The following SGCZ variants were observed in gnomAD, a reference collection of about 807,000 sequenced individuals.
SGCZ encodes the protein zeta-sarcoglycan.
Under a neutral mutation model 41.3 loss-of-function variants are expected in SGCZ, and 40 were observed. The observed-to-expected ratio is 0.97, with a 90% CI of 0.75 to 1.26. The LOEUF is 1.26. SGCZ is among the 50% of genes most tolerant of loss of function. The pLI, the probability that SGCZ is intolerant of heterozygous loss-of-function variation, is 0.00. For synonymous variants in SGCZ, 206 were observed against 137.5 expected (o/e 1.50, Z -3.49); for missense variants, 552 against 369.8 (o/e 1.49, Z -4.04).
chr8:14,133,321 A>T (rs1216077573), intron 5 of SGCZ, among the ~76,000 whole-genome samples: 1 of 152,178 alleles, frequency 6.6e-6, no homozygotes, highest in Non-Finnish European at 1.5e-5. Context: ...TTTCCATTTA[A>T]TCTTTTAACC....
chr8:14,245,237 C>A (rs943425772), intron 3 of SGCZ, among the ~76,000 whole-genome samples: 5 of 151,930 alleles, frequency 3.3e-5, no homozygotes, highest in African/African-American at 4.8e-5. Context: ...GGTTTGGTAC[C>A]AGAACAGAGA....
chr8:14,473,098 C>G (rs1016074187), intron 2 of SGCZ, among the ~76,000 whole-genome samples: 1 of 152,146 alleles, frequency 6.6e-6, no homozygotes, highest in African/African-American at 2.4e-5. Flanking sequence ...AAATAACTAA[C>G]TGGGTCACTG....
At chr8:14,143,691 T>C (rs1803439047) in intron 5 of SGCZ, among the ~76,000 whole-genome samples, 1 of 152,142 alleles carries the variant, frequency 6.6e-6, no homozygotes. Context: ...TGAGCACTCA[T>C]AGTCGCTGAT....
chr8:14,951,848 T>C (rs943851933), intron 1 of SGCZ, among the ~76,000 whole-genome samples: 14 of 152,116 alleles, frequency 9.2e-5, no homozygotes, highest in African/African-American at 3.4e-4. Context: ...AATTAACCTT[T>C]TTTATATTAA....
chr8:14,256,439 C>T (rs1799467485), intron 3 of SGCZ, among the ~76,000 whole-genome samples: 1 of 152,062 alleles, frequency 6.6e-6, no homozygotes. Context: ...TACAAGATAC[C>T]TAAATATAAA....
rs191702411 is a variant in SGCZ at position 14,365,598 on chromosome 8, T to C, written c.235-41394A>G. Among the ~76,000 whole-genome samples the C allele has an allele frequency of 3.3e-5, 5 of 152,252 alleles. No homozygotes were observed. The East Asian group carries it at 9.7e-4, about 29-fold the overall frequency. ...GATTGTTTCACAATTACTATTCTCTTGAAAAGTTTAAGGTTAATGTTAAGT... is the reference window on the plus strand; with the variant it reads ...GATTGTTTCACAATTACTATTCTCTCGAAAAGTTTAAGGTTAATGTTAAGT... On this transcript the variant is annotated intron_variant, in intron 2 of 7. Coordinates refer to ENST00000382080, the MANE Select transcript of SGCZ (RefSeq NM_139167.4).
intron 2 of SGCZ, among the ~76,000 whole-genome samples, chr8:14,387,764 C>A (rs74409064): frequency 3.3e-5 from 5 of 151,792 alleles, no homozygotes; most frequent in Admixed American, 3.3e-4. Context: ...TGTTATTTAC[C>A]AATTACTCCC....
intron 1 of SGCZ, among the ~76,000 whole-genome samples, chr8:15,137,659 G>T (rs965971903): frequency 9.5e-6 from 1 of 105,636 alleles, no homozygotes; most frequent in Non-Finnish European, 1.9e-5. Context: ...CCAAGCCTTG[G>T]CACCTTTCAT....
At chr8:15,097,883 C>CTT (rs1491179240) in intron 1 of SGCZ, among the ~76,000 whole-genome samples, 20 of 16,926 alleles carry the variant, frequency 1.2e-3, no homozygotes, top group African/African-American at 3.1e-3. Flanking sequence ...TATATATATA[C>CTT]GTGTGTATAT....
At chr8:14,475,782 C>G (rs1250854357) in intron 2 of SGCZ, among the ~76,000 whole-genome samples, 1 of 152,012 alleles carries the variant, frequency 6.6e-6, no homozygotes, top group African/African-American at 2.4e-5. Context: ...ACACAACAAG[C>G]AATATATTAG....
At chr8:14,863,754 T>C (rs1803832079) in intron 1 of SGCZ, among the ~76,000 whole-genome samples, 1 of 152,186 alleles carries the variant, frequency 6.6e-6, no homozygotes, top group South Asian at 2.1e-4. Context: ...ATGGAGTTAC[T>C]GCCTATCTCA....
chr8:14,334,427 A>G (rs1451865761), intron 2 of SGCZ, among the ~76,000 whole-genome samples: 1 of 152,000 alleles, frequency 6.6e-6, no homozygotes, highest in Admixed American at 6.6e-5. Flanking sequence ...CTAGTTAGCT[A>G]CTCATCCAGA....
chr8:14,680,792 G>A (rs900272572), intron 1 of SGCZ, among the ~76,000 whole-genome samples: 41 of 142,854 alleles, frequency 2.9e-4, no homozygotes, highest in African/African-American at 9.8e-4. Flanking sequence ...GATACAGACT[G>A]TATTTAAAAA....
intron 1 of SGCZ, among the ~76,000 whole-genome samples, chr8:14,681,704 A>T (rs894441763): frequency 1.3e-5 from 2 of 152,160 alleles, no homozygotes; most frequent in African/African-American, 4.8e-5. Flanking sequence ...TATGTCCCTG[A>T]TTATTAATTC....
chr8:14,117,792 T>C (rs1164289378), intron 5 of SGCZ, among the ~76,000 whole-genome samples: 1 of 151,564 alleles, frequency 6.6e-6, no homozygotes, highest in Non-Finnish European at 1.5e-5. Flanking sequence ...TGTCCATGTG[T>C]TCTCATTGTT....
chr8:14,916,227 A>T (rs879559881), intron 1 of SGCZ, among the ~76,000 whole-genome samples: 1 of 152,052 alleles, frequency 6.6e-6, no homozygotes, highest in Non-Finnish European at 1.5e-5. Flanking sequence ...CTGATTTCCT[A>T]TCTATTACCT....
chr8:14,647,306 G>T (rs1807254076), intron 1 of SGCZ, among the ~76,000 whole-genome samples: 1 of 151,902 alleles, frequency 6.6e-6, no homozygotes, highest in Non-Finnish European at 1.5e-5. Context: ...TGACATCATT[G>T]CTTTACTGAT....
intron 1 of SGCZ, among the ~76,000 whole-genome samples, chr8:14,976,217 T>A (rs1801474481): frequency 6.6e-6 from 1 of 151,800 alleles, no homozygotes; most frequent in South Asian, 2.1e-4. Context: ...GACACATGGT[T>A]TCACCATGTT....
intron 1 of SGCZ, among the ~76,000 whole-genome samples, chr8:14,804,570 G>T (rs893422135): frequency 1.4e-5 from 2 of 139,262 alleles, no homozygotes; most frequent in Non-Finnish European, 3.1e-5. Flanking sequence ...CAAGAAATAT[G>T]GGACTATGTG....
Sources: allele counts gnomAD v4.1 joint callset (sites outside exome capture counted in the v4.1 genomes callset), GRCh38; gene constraint gnomAD v4.1.1; transcripts MANE v1.5; gene names NCBI Gene and HGNC (gene_info 2026-07-23, HGNC 2026-07-21).